GPR158: variants seen among roughly 807,000 people sequenced by gnomAD.
The protein encoded by GPR158 is metabotropic glycine receptor.
In GPR158, 30 loss-of-function variants were observed where a neutral mutation model predicts 78.2. The ratio of observed to expected loss-of-function variants is 0.38; its 90% CI spans 0.29 to 0.52. The LOEUF is 0.52. Ranked by LOEUF, GPR158 falls within the 20% of genes least tolerant of loss-of-function variation. The pLI, the probability that GPR158 is intolerant of heterozygous loss-of-function variation, is 0.83. For synonymous variants in GPR158, 581 were observed against 591.1 expected, an observed-to-expected ratio of 0.98 and a Z score of 0.25; for missense variants, 1,463 against 1,523.5, an observed-to-expected ratio of 0.96 and a Z score of 0.66.
chr10:25,316,021 T>C (rs1214389649), intron 2 of GPR158, among the ~76,000 whole-genome samples: 2 of 152,212 alleles, frequency 1.3e-5, no homozygotes, highest in Admixed American at 6.5e-5. Context: ...TACTGTATTT[T>C]ATATTTTCTT....
intron 2 of GPR158, among the ~76,000 whole-genome samples, chr10:25,300,705 T>C (rs537454673): frequency 1.3e-5 from 2 of 152,254 alleles, no homozygotes; most frequent in South Asian, 4.1e-4. Flanking sequence ...AATGTTTAGA[T>C]GCAAATTTAT....
At chr10:25,218,714 A>C (rs1224596437) in intron 1 of GPR158, among the ~76,000 whole-genome samples, 2 of 152,184 alleles carry the variant, frequency 1.3e-5, no homozygotes, top group Non-Finnish European at 2.9e-5. Context: ...TGTGCTTATA[A>C]ACCAGCTCTA....
At chr10:25,476,392 T>TC (rs2130630313) in intron 5 of GPR158, among the ~76,000 whole-genome samples, 1 of 151,748 alleles carries the variant, frequency 6.6e-6, no homozygotes, top group Admixed American at 6.6e-5. Context: ...GGGTTTTTTT[T>TC]TTTTTTCTTT....
chr10:25,259,199 T>C lies in GPR158; in HGVS notation c.1008+38042T>C, dbSNP rs1477477394. On this transcript the variant is annotated intron_variant, in intron 2 of 10. Transcript: ENST00000376351. ...TGTTGTTCAAGGGTCAACTGTACTT[T>C]ACTCTGCCATTGTGGCATAAAAGCA... 2.6e-5 allele frequency among the ~76,000 whole-genome samples: 4 copies of C among 152,196 alleles called. No homozygotes were observed. The South Asian group carries it at 6.2e-4, about 24-fold the overall frequency.
chr10:25,310,765 A>G (rs1403665529), intron 2 of GPR158, among the ~76,000 whole-genome samples: 1 of 151,730 alleles, frequency 6.6e-6, no homozygotes, highest in South Asian at 2.1e-4. Flanking sequence ...TTTCTTTTGG[A>G]TTTTGAGTCA....
chr10:25,588,864 C>T lies in GPR158; in HGVS notation c.1754-143C>T, dbSNP rs1244882935. The T allele has an allele frequency of 1.5e-5, 7 of 452,132 alleles. No individual in the cohort carries two copies. In the East Asian group the frequency reaches 2.2e-4, roughly 14 times the overall value. The allele number at this position is 452,132 out of a possible 1,614,324, so 28.0% of individuals were successfully genotyped here. The stretch of plus-strand genomic sequence containing the variant: ...CTGAATGAAATTTAAAAATATATGG[C>T]ATTTGTATTTGTATGTGAATAAGAC... On this transcript the variant is annotated intron_variant, in intron 7 of 10. Transcript: ENST00000376351.
intron 1 of GPR158, among the ~76,000 whole-genome samples, chr10:25,212,530 C>CGTTAATTCAG (rs1207371382): frequency 6.6e-6 from 1 of 151,164 alleles, no homozygotes; most frequent in African/African-American, 2.4e-5. Context: ...TATGTTTCTC[C>CGTTAATTCAG]GTTAATTCAG....
At chr10:25,448,805 T>C (rs971195367) in intron 4 of GPR158, among the ~76,000 whole-genome samples, 3 of 152,218 alleles carry the variant, frequency 2.0e-5, no homozygotes, top group African/African-American at 7.2e-5. Flanking sequence ...TTTTAACAAT[T>C]CCAGAAGATT....
chr10:25,229,689 T>A (rs531709979), intron 2 of GPR158, among the ~76,000 whole-genome samples: 1 of 152,312 alleles, frequency 6.6e-6, no homozygotes, highest in Admixed American at 6.5e-5. Flanking sequence ...ATCCTTCTTA[T>A]TTTCTAGGAA....
chr10:25,555,278 T>G (rs1031962573), intron 6 of GPR158, among the ~76,000 whole-genome samples: 12 of 151,970 alleles, frequency 7.9e-5, no homozygotes, highest in Admixed American at 3.9e-4. Flanking sequence ...GGTAGCTTGA[T>G]GGGGATGGCA....
chr10:25,376,906 A>C (rs1834088513), intron 2 of GPR158, among the ~76,000 whole-genome samples: 1 of 151,638 alleles, frequency 6.6e-6, no homozygotes, highest in South Asian at 2.1e-4. Context: ...ATATATATAC[A>C]TATGATTATA....
At chr10:25,411,964 AAAAAAAGACTTAG>A (rs1834592608) in intron 3 of GPR158, among the ~76,000 whole-genome samples, 1 of 131,470 alleles carries the variant, frequency 7.6e-6, no homozygotes, top group South Asian at 2.5e-4. Flanking sequence ...AAAAAAAAAA[AAAAAAAGACTTAG>A]AAAACTGTTC....
In GPR158 at chr10:25,313,938, A is replaced by G. The variant is rs117473476; in HGVS notation, c.1009-81973A>G. ...CGGTCTTTAAAGGTTTGGTGTAATT[A>G]TCCGATGAAACCATCAGGGCCTGGC... On this transcript the variant is annotated intron_variant, in intron 2 of 10. Coordinates refer to ENST00000376351, the MANE Select transcript of GPR158 (RefSeq NM_020752.3). 2.3e-4 allele frequency among the ~76,000 whole-genome samples: 35 copies of G among 152,314 alleles called. 1 individual carries two copies. In the East Asian group the frequency reaches 6.2e-3, roughly 27 times the overall value.
intron 2 of GPR158, among the ~76,000 whole-genome samples, chr10:25,237,473 T>G (rs1322303625): frequency 6.6e-6 from 1 of 152,236 alleles, no homozygotes. Context: ...TCAACTATTA[T>G]TTTTAGAATC....
chr10:25,552,448 C>A (rs566791296), intron 6 of GPR158, among the ~76,000 whole-genome samples: 4 of 152,286 alleles, frequency 2.6e-5, no homozygotes, highest in South Asian at 4.1e-4. Context: ...AGAGTAGACA[C>A]CCCGTTGAGA....
intron 5 of GPR158, among the ~76,000 whole-genome samples, chr10:25,536,831 A>G (rs1411850765): frequency 6.6e-6 from 1 of 152,210 alleles, no homozygotes; most frequent in Non-Finnish European, 1.5e-5. Flanking sequence ...CTGTGGTCCT[A>G]GGAGCAGCAG....
At position 25,253,152 on chromosome 10, in the gene GPR158, A is replaced by G. The variant is rs1207404807; in HGVS notation, c.1008+31995A>G. On this transcript the variant is annotated intron_variant, in intron 2 of 10. Transcript: ENST00000376351. ...CCCCTTGCGCTTCCCAGGTGAGGCA[A>G]TGCCTCGCCCTGCTTCGGCTCGCGC... 3.9e-5 allele frequency among the ~76,000 whole-genome samples: 6 copies of G among 152,332 alleles called. No homozygotes were observed. In the South Asian group the frequency reaches 1.0e-3, roughly 26 times the overall value.
intron 2 of GPR158, among the ~76,000 whole-genome samples, chr10:25,268,198 A>G (rs1038642129): frequency 1.1e-4 from 17 of 152,154 alleles, no homozygotes; most frequent in African/African-American, 4.1e-4. Context: ...GTGAGCTTAA[A>G]GAATACTCGT....
intron 2 of GPR158, among the ~76,000 whole-genome samples, chr10:25,236,850 A>C (rs906717817): frequency 3.3e-4 from 50 of 152,168 alleles, no homozygotes; most frequent in African/African-American, 1.1e-3. Flanking sequence ...CAATAACTAC[A>C]TTTATTGGAT....
Sources: gnomAD v4.1 joint callset for allele counts (sites outside exome capture counted in the v4.1 genomes callset) on GRCh38, gnomAD v4.1.1 for gene constraint, MANE v1.5 for transcripts, NCBI Gene and HGNC (gene_info 2026-07-23, HGNC 2026-07-21) for gene names.